The following AUTS2 variants were observed in gnomAD, a reference collection of about 807,000 sequenced individuals.
AUTS2 encodes autism susceptibility gene 2 protein.
In AUTS2, 17 loss-of-function variants were observed where a neutral mutation model predicts 112.4. The ratio of observed to expected loss-of-function variants is 0.15; its 90% CI spans 0.10 to 0.23. AUTS2 has a LOEUF of 0.23. Among genes scored for constraint, AUTS2 ranks in the 10% least tolerant of loss-of-function variants. AUTS2 has a pLI of 1.00. For synonymous variants in AUTS2, 751 were observed against 702.7 expected (o/e 1.07, Z -1.09); for missense variants, 1,510 against 1,701.6 (o/e 0.89, Z 1.98).
chr7:70,006,224 G>A lies in AUTS2; in HGVS notation c.522+106726G>A, dbSNP rs185739508. ...AGTACGTTGTACATTTTTCTTGAAG[G>A]ATACAACTGGAAAAAATTTTGCAGA... On this transcript the variant is annotated intron_variant, in intron 2 of 18. Transcript: ENST00000342771. Among the ~76,000 whole-genome samples the A allele has an allele frequency of 1.1e-4, 16 of 152,204 alleles. No homozygotes were observed. In the East Asian group the frequency reaches 2.1e-3, roughly 20 times the overall value.
At chr7:70,332,000 T>C (rs1420609437) in intron 4 of AUTS2, among the ~76,000 whole-genome samples, 1 of 152,122 alleles carries the variant, frequency 6.6e-6, no homozygotes, top group African/African-American at 2.4e-5. Flanking sequence ...GGCATTCAAA[T>C]AGGAAGAGAG....
chr7:69,892,291 C>A (rs751854496), intron 1 of AUTS2, among the ~76,000 whole-genome samples: 1 of 151,600 alleles, frequency 6.6e-6, no homozygotes, highest in African/African-American at 2.4e-5. Flanking sequence ...TCCTGCTCAG[C>A]CTCCTGAGTA....
At chr7:70,450,948 G>T (rs558663210) in intron 5 of AUTS2, among the ~76,000 whole-genome samples, 5 of 152,222 alleles carry the variant, frequency 3.3e-5, no homozygotes, top group Non-Finnish European at 7.4e-5. Context: ...CAGCGAAAGT[G>T]GGGGGATGGA....
At chr7:70,209,902 A>G (rs1029843050) in intron 4 of AUTS2, among the ~76,000 whole-genome samples, 3 of 152,128 alleles carry the variant, frequency 2.0e-5, no homozygotes, top group Non-Finnish European at 4.4e-5. Flanking sequence ...CAAAAAGAAT[A>G]TATTTTTTTT....
chr7:70,124,051 CTGG>C (rs1317878436), intron 3 of AUTS2, among the ~76,000 whole-genome samples: 1 of 152,092 alleles, frequency 6.6e-6, no homozygotes, highest in Non-Finnish European at 1.5e-5. Context: ...AGCCATTTGA[CTGG>C]TGAGATGATA....
chr7:70,276,209 G>A (rs1156552172), intron 4 of AUTS2, among the ~76,000 whole-genome samples: 2 of 152,082 alleles, frequency 1.3e-5, no homozygotes, highest in Non-Finnish European at 2.9e-5. Flanking sequence ...GAGTGTACAT[G>A]AAGTATTTTC....
chr7:69,832,198 G>C (rs1791532963), intron 1 of AUTS2, among the ~76,000 whole-genome samples: 1 of 152,138 alleles, frequency 6.6e-6, no homozygotes, highest in Admixed American at 6.6e-5. Context: ...TTGAACTCCT[G>C]CAGCGTTTTA....
intron 1 of AUTS2, among the ~76,000 whole-genome samples, chr7:69,832,104 A>G (rs1791527041): frequency 6.6e-6 from 1 of 152,168 alleles, no homozygotes; most frequent in African/African-American, 2.4e-5. Context: ...GGGGCTTGAA[A>G]TACCTGTGTT....
At chr7:69,801,987 G>C (rs1254749943) in intron 1 of AUTS2, among the ~76,000 whole-genome samples, 1 of 152,124 alleles carries the variant, frequency 6.6e-6, no homozygotes. Flanking sequence ...TTACCTAAAA[G>C]GGGGTGAGGA....
chr7:70,594,624 A>T (rs6973711), intron 5 of AUTS2, among the ~76,000 whole-genome samples: 34,495 of 152,122 alleles, frequency 0.23, 4,228 homozygotes, highest in Middle Eastern at 0.33. Context: ...TGGCACAGAG[A>T]GAGTTCTCTG....
intron 1 of AUTS2, among the ~76,000 whole-genome samples, chr7:69,656,745 T>G (rs1315219357): frequency 6.6e-6 from 1 of 152,182 alleles, no homozygotes; most frequent in Non-Finnish European, 1.5e-5. Flanking sequence ...ATATGTGAAT[T>G]TGATGTTGGA....
intron 5 of AUTS2, among the ~76,000 whole-genome samples, chr7:70,465,852 G>A (rs1304336583): frequency 6.6e-6 from 1 of 152,326 alleles, no homozygotes; most frequent in Middle Eastern, 3.4e-3. Flanking sequence ...CAAGTGGGCA[G>A]GAGGGGTTCC....
intron 5 of AUTS2, among the ~76,000 whole-genome samples, chr7:70,600,642 A>T (rs1040971753): frequency 6.6e-6 from 1 of 152,174 alleles, no homozygotes; most frequent in African/African-American, 2.4e-5. Context: ...CTTTACTTCC[A>T]GAACATTTTC....
chr7:70,723,623 G>C (rs1409488806), intron 6 of AUTS2, among the ~76,000 whole-genome samples: 2 of 146,936 alleles, frequency 1.4e-5, no homozygotes, highest in Non-Finnish European at 1.5e-5. Context: ...GAAGTAAAAG[G>C]CTCTATTTTT....
intron 4 of AUTS2, among the ~76,000 whole-genome samples, chr7:70,350,873 C>G (rs930530455): frequency 6.6e-6 from 1 of 151,990 alleles, no homozygotes; most frequent in Non-Finnish European, 1.5e-5. Flanking sequence ...TGCCCATTTC[C>G]TCCTCCTCCC....
At chr7:70,473,614 G>A (rs938516941) in intron 5 of AUTS2, among the ~76,000 whole-genome samples, 1 of 152,070 alleles carries the variant, frequency 6.6e-6, no homozygotes, top group Non-Finnish European at 1.5e-5. Flanking sequence ...AATGCCTTCC[G>A]TAAGCACAGG....
In AUTS2 at chr7:70,107,886, C is replaced by T. The variant is rs1246665660; in HGVS notation, c.523-10246C>T. ...AATTCGCTGGGCATGGTGGGCGTGC[C>T]TGTAATCCCAGCTACCCCGGAGGCT... On this transcript the variant is annotated intron_variant, in intron 2 of 18. Transcript: ENST00000342771. Among the ~76,000 whole-genome samples the T allele has an allele frequency of 2.0e-5, 3 of 151,718 alleles. No homozygotes were observed. The East Asian group carries it at 5.9e-4, about 30-fold the overall frequency.
intron 2 of AUTS2, among the ~76,000 whole-genome samples, chr7:69,970,073 T>C (rs1797787750): frequency 6.6e-6 from 1 of 152,190 alleles, no homozygotes; most frequent in Admixed American, 6.5e-5. Flanking sequence ...CAAACACTGT[T>C]TTTTTAACCA....
At chr7:69,774,861 G>A (rs767001483) in intron 1 of AUTS2, among the ~76,000 whole-genome samples, 1 of 152,068 alleles carries the variant, frequency 6.6e-6, no homozygotes, top group African/African-American at 2.4e-5. Context: ...TAATGCCCCA[G>A]GTGGTTCTTG....
Sources: allele counts gnomAD v4.1 joint callset (sites outside exome capture counted in the v4.1 genomes callset), GRCh38; gene constraint gnomAD v4.1.1; transcripts MANE v1.5; gene names NCBI Gene and HGNC (gene_info 2026-07-23, HGNC 2026-07-21).